The following BCL2L13 variants were observed in gnomAD, a reference collection of about 807,000 sequenced individuals.
BCL2L13 encodes the protein bcl-2-like protein 13.
Under a neutral mutation model 25.8 loss-of-function variants are expected in BCL2L13, and 13 were observed. That is an observed-to-expected ratio of 0.50 (90% CI 0.33 to 0.80). The LOEUF (loss-of-function observed/expected upper bound fraction) is 0.80, where lower values mean the gene tolerates loss of function less well. Ranked by LOEUF, BCL2L13 falls within the 30% of genes least tolerant of loss-of-function variation. The pLI is 0.02. For missense variants in BCL2L13, 504 were observed against 574.9 expected (o/e 0.88, Z 1.26); for synonymous variants, 244 against 230.3 (o/e 1.06, Z -0.54).
At chr22:17,664,569 G>A (rs2059177451) in intron 2 of BCL2L13, among the ~76,000 whole-genome samples, 1 of 152,224 alleles carries the variant, frequency 6.6e-6, no homozygotes, top group South Asian at 2.1e-4. Context: ...TGGGGACTCT[G>A]TGTGTGGGTT....
intron 1 of BCL2L13, among the ~76,000 whole-genome samples, chr22:17,649,835 T>C (rs2058617631): frequency 6.6e-6 from 1 of 150,780 alleles, no homozygotes; most frequent in African/African-American, 2.4e-5. Context: ...TAGATTGTTA[T>C]TAATTTTATC....
intron 6 of BCL2L13, among the ~76,000 whole-genome samples, chr22:17,707,390 C>T (rs998296641): frequency 4.6e-5 from 7 of 152,090 alleles, no homozygotes; most frequent in Admixed American, 3.3e-4. Flanking sequence ...TTCCATTTTG[C>T]GACTTCGAGG....
chr22:17,669,942 A>G (rs186770271), intron 2 of BCL2L13, among the ~76,000 whole-genome samples: 73 of 152,316 alleles, frequency 4.8e-4, no homozygotes, highest in African/African-American at 1.5e-3. Flanking sequence ...AGTTTCAGGT[A>G]TTCTTTCATA....
At chr22:17,667,329 G>A (rs1225822315) in intron 2 of BCL2L13, among the ~76,000 whole-genome samples, 8 of 151,610 alleles carry the variant, frequency 5.3e-5, no homozygotes, top group Admixed American at 2.0e-4. Context: ...CCACCACTAC[G>A]CCTGGCTAAT....
intron 2 of BCL2L13, among the ~76,000 whole-genome samples, chr22:17,678,370 G>A (rs1229637313): frequency 6.6e-6 from 1 of 152,086 alleles, no homozygotes; most frequent in African/African-American, 2.4e-5. Context: ...TCAGAAGACA[G>A]TATCACCGAT....
chr22:17,636,342 A>G (rs924065120), upstream of BCL2L13, among the ~76,000 whole-genome samples: 1 of 151,740 alleles, frequency 6.6e-6, no homozygotes, highest in Non-Finnish European at 1.5e-5. Context: ...AAAAAAAAAA[A>G]AAAAAGCTAC....
chr22:17,634,368 G>C (rs2058073139), upstream of BCL2L13, among the ~76,000 whole-genome samples: 1 of 152,052 alleles, frequency 6.6e-6, no homozygotes, highest in Non-Finnish European at 1.5e-5. Flanking sequence ...TGTATTTTTA[G>C]TAGAGACGAG....
chr22:17,701,503 C>T (rs2060433627), intron 5 of BCL2L13, among the ~76,000 whole-genome samples: 1 of 152,026 alleles, frequency 6.6e-6, no homozygotes, highest in Admixed American at 6.6e-5. Flanking sequence ...TATAACTTGC[C>T]TTTTTTCACT....
At chr22:17,698,835 T>A (rs903593586) in intron 5 of BCL2L13, among the ~76,000 whole-genome samples, 1 of 152,218 alleles carries the variant, frequency 6.6e-6, no homozygotes, top group Non-Finnish European at 1.5e-5. Context: ...CAATGACTAC[T>A]TTCTGTCTTA....
chr22:17,726,960 G>C lies in BCL2L13; in HGVS notation c.884G>C (p.Gly295Ala), dbSNP rs778782538. Residue 295 changes from glycine (G) to alanine (A), a missense_variant, in exon 7 of 7, where the codon GGA becomes GCA. Physicochemically the swap from Gly to Ala is moderately conservative, Grantham distance 60. Transcript: ENST00000317582. ...AAAAGCTTAGACAGCAACGGAGCTGGAGAGAAGAGTGAGAACAACTCCTCT... is the reference window on the plus strand; with the variant it reads ...AAAAGCTTAGACAGCAACGGAGCTGCAGAGAAGAGTGAGAACAACTCCTCT... ...EVKSLDSNGAGEKSENNSSNS... is the reference protein window; with the variant it reads ...EVKSLDSNGAAEKSENNSSNS... The C allele has an allele frequency of 6.2e-7, 1 of 1,614,202 alleles. No individual in the cohort carries two copies. The highest frequency in any genetic ancestry group is 8.5e-7 in the Non-Finnish European group (1 of 1,180,040).
intron 6 of BCL2L13, among the ~76,000 whole-genome samples, chr22:17,709,856 C>T (rs572960094): frequency 8.8e-4 from 132 of 150,430 alleles, no homozygotes; most frequent in African/African-American, 3.1e-3. Flanking sequence ...AGGCAGATTG[C>T]CCAAGTCCAG....
At chr22:17,687,884 C>A (rs1475925366) in intron 3 of BCL2L13, among the ~76,000 whole-genome samples, 2 of 137,870 alleles carry the variant, frequency 1.5e-5, no homozygotes, top group Non-Finnish European at 3.1e-5. Context: ...ATGGCACAAT[C>A]TTGGCTCGCT....
At chr22:17,687,932 C>T (rs1375070506) in intron 3 of BCL2L13, among the ~76,000 whole-genome samples, 3 of 151,956 alleles carry the variant, frequency 2.0e-5, no homozygotes, top group African/African-American at 7.3e-5. Context: ...ATTCTCCTGC[C>T]TCAGGCTCCT....
rs1453164880 is a variant in BCL2L13 at position 17,702,290 on chromosome 22, A to G, written c.504A>G (p.Thr168=). The change falls in exon 6 of 7, where the codon ACA becomes ACG. Residue 168 remains threonine (T), a synonymous_variant. Transcript: ENST00000317582. ...TACGACAAATGCTTTTGGAATTGAC[A>G]AGACGTGGTCAAGAACCTTTGAGCG... The part of the protein sequence containing the change: ...VLLRQMLLEL[T]RRGQEPLSAL... 2 of 1,611,786 alleles carry G rather than the reference A, an allele frequency of 1.2e-6. No individual in the cohort carries two copies. Among genetic ancestry groups the G allele is most frequent in the South Asian group, 1.1e-5 (1 of 90,796 alleles).
chr22:17,673,253 A>G (rs2059470337), intron 2 of BCL2L13, among the ~76,000 whole-genome samples: 1 of 152,028 alleles, frequency 6.6e-6, no homozygotes, highest in Non-Finnish European at 1.5e-5. Context: ...CAGTATCTCC[A>G]TCGTGACTCA....
intron 2 of BCL2L13, among the ~76,000 whole-genome samples, chr22:17,681,825 A>G (rs1311314647): frequency 6.6e-6 from 1 of 152,134 alleles, no homozygotes; most frequent in Admixed American, 6.5e-5. Flanking sequence ...CTGGGTTTGT[A>G]TCTGAGCTCT....
At chr22:17,702,606 C>T (rs1241387160) in intron 6 of BCL2L13, 2 of 379,788 alleles carry the variant, frequency 5.3e-6, no homozygotes, top group African/African-American at 4.2e-5. Flanking sequence ...GTGCCCACCA[C>T]TGTGCCGTGC....
intron 4 of BCL2L13, 28 bp from the exon 5 acceptor site, chr22:17,696,113 A>G: frequency 2.5e-6 from 4 of 1,577,864 alleles, no homozygotes; most frequent in Non-Finnish European, 3.5e-6. Flanking sequence ...CTTCTTTGTG[A>G]CACAGACTTT....
chr22:17,720,782 G>C (rs2061100128), intron 6 of BCL2L13, among the ~76,000 whole-genome samples: 1 of 151,726 alleles, frequency 6.6e-6, no homozygotes, highest in Non-Finnish European at 1.5e-5. Flanking sequence ...GATTATAGGT[G>C]TGAGCCACTG....
Sources: gnomAD v4.1 joint callset for allele counts (sites outside exome capture counted in the v4.1 genomes callset) on GRCh38, gnomAD v4.1.1 for gene constraint, MANE v1.5 for transcripts, NCBI Gene and HGNC (gene_info 2026-07-23, HGNC 2026-07-21) for gene names.